Variants in PRKCQ observed in about 807,000 individuals in gnomAD.
PRKCQ encodes the protein protein kinase C theta.
In PRKCQ, 41 loss-of-function variants were observed where a neutral mutation model predicts 91.2. The ratio of observed to expected loss-of-function variants is 0.45; its 90% CI spans 0.35 to 0.58. The LOEUF is 0.58. Ranked by LOEUF, PRKCQ falls within the 20% of genes least tolerant of loss-of-function variation. PRKCQ has a pLI of 0.00. For missense variants in PRKCQ, 673 were observed against 896.5 expected, an observed-to-expected ratio of 0.75 and a Z score of 3.18; for synonymous variants, 307 against 316.9, an observed-to-expected ratio of 0.97 and a Z score of 0.33.
chr10:6,526,512 G>A (rs1342795263), intron 1 of PRKCQ, among the ~76,000 whole-genome samples: 1 of 152,160 alleles, frequency 6.6e-6, no homozygotes, highest in African/African-American at 2.4e-5. Flanking sequence ...GGGCTTTGCT[G>A]GTCCTGAAGG....
chr10:6,483,350 G>A, intron 11 of PRKCQ, 90 bp downstream of exon 11: 6 of 1,517,176 alleles, frequency 4.0e-6, no homozygotes, highest in Non-Finnish European at 5.5e-6. Context: ...TGCAATCCTA[G>A]TGGCCCTATG....
Position 6,435,133 on chromosome 10 carries a change from C to A in PRKCQ, c.1837-4195G>T, listed in dbSNP as rs1370167065. Among the ~76,000 whole-genome samples the A allele has an allele frequency of 5.3e-5, 8 of 152,188 alleles. No individual in the cohort carries two copies. The East Asian group carries it at 1.3e-3, about 26-fold the overall frequency. On this transcript the variant is annotated intron_variant, in intron 16 of 17. Transcript: ENST00000263125. Reference sequence around the variant, plus strand: ...GAGTAAAGGGTGTTTCTTTGGCAATCATCAACTGGACAGCAGTGTCCCCAC... The same window carrying A: ...GAGTAAAGGGTGTTTCTTTGGCAATAATCAACTGGACAGCAGTGTCCCCAC...
intron 16 of PRKCQ, among the ~76,000 whole-genome samples, chr10:6,439,439 C>T (rs187209294): frequency 9.2e-5 from 14 of 152,208 alleles, no homozygotes; most frequent in Admixed American, 4.6e-4. Flanking sequence ...CCTTGATGAA[C>T]CTGGATTTGA....
At chr10:6,422,158 A>C (rs1833022124), downstream of PRKCQ, among the ~76,000 whole-genome samples, 1 of 152,142 alleles carries the variant, frequency 6.6e-6, no homozygotes, top group Non-Finnish European at 1.5e-5. Flanking sequence ...TTATGTTGGG[A>C]TGCAGCAATA....
chr10:6,416,571 C>G, the PRKCQ span, among the ~76,000 whole-genome samples: 1 of 152,188 alleles, frequency 6.6e-6, no homozygotes, highest in Non-Finnish European at 1.5e-5. Flanking sequence ...GAGTAGTGTG[C>G]TATGGTGTAT....
chr10:6,420,957 A>G, the PRKCQ span, among the ~76,000 whole-genome samples: 3 of 151,884 alleles, frequency 2.0e-5, no homozygotes, highest in Admixed American at 2.0e-4. Flanking sequence ...GAGTTTTCTT[A>G]TACTATGTCT....
At chr10:6,491,892 C>G in intron 7 of PRKCQ, 80 bp from the exon 8 acceptor site, 1 of 1,557,392 alleles carries the variant, frequency 6.4e-7, no homozygotes, top group Non-Finnish European at 8.8e-7. Context: ...CTTAGCATAA[C>G]TAACAGAGAT....
chr10:6,474,214 A>G (rs1232921978), intron 12 of PRKCQ, among the ~76,000 whole-genome samples: 1 of 152,228 alleles, frequency 6.6e-6, no homozygotes, highest in African/African-American at 2.4e-5. Context: ...CAGTGATGTG[A>G]ATCCAGGAAC....
rs1348558026 is a variant in PRKCQ at position 6,548,211 on chromosome 10, A to G, written c.-10+32000T>C. 3.2e-4 allele frequency among the ~76,000 whole-genome samples: 48 copies of G among 150,886 alleles called. 2 individuals carry two copies. In the East Asian group the frequency reaches 9.1e-3, roughly 29 times the overall value. ...CCATCTCACACCAGTTAGAATGGCA[A>G]TCATTAAAAGGTCAGGAAACAACAG... is the stretch of plus-strand genomic sequence containing the variant. On this transcript the variant is annotated intron_variant, in intron 1 of 17. Transcript: ENST00000263125.
chr10:6,472,274 C>T (rs1335475250), intron 12 of PRKCQ, among the ~76,000 whole-genome samples: 1 of 152,130 alleles, frequency 6.6e-6, no homozygotes, highest in African/African-American at 2.4e-5. Context: ...CACCACTGCA[C>T]TCCAGGCTGG....
intron 1 of PRKCQ, among the ~76,000 whole-genome samples, chr10:6,529,592 C>T (rs1038200116): frequency 1.3e-5 from 2 of 152,088 alleles, no homozygotes; most frequent in African/African-American, 4.8e-5. Context: ...TTTGCATGGC[C>T]GAGTTCAAAA....
At chr10:6,528,552 T>C (rs1477636426) in intron 1 of PRKCQ, among the ~76,000 whole-genome samples, 1 of 152,196 alleles carries the variant, frequency 6.6e-6, no homozygotes, top group Non-Finnish European at 1.5e-5. Context: ...CTGGTGGACA[T>C]GCTTCTCCAT....
the PRKCQ span, among the ~76,000 whole-genome samples, chr10:6,417,997 C>T: frequency 3.3e-5 from 5 of 152,208 alleles, no homozygotes; most frequent in Non-Finnish European, 5.9e-5. Flanking sequence ...CCCAGAGGCG[C>T]GCCTTCTTCC....
rs1833177652 is a variant in PRKCQ at position 6,427,567 on chromosome 10, C to G, written c.*640G>C. 6.6e-6 allele frequency: 1 copy of G among 152,404 alleles called. No homozygotes were observed. Among genetic ancestry groups the G allele is most frequent in the African/African-American group, 2.4e-5 (1 of 41,452 alleles). 9.4% of individuals were successfully genotyped at this position (152,404 alleles called of 1,614,324 possible). A position where few individuals can be genotyped will look rare whatever the true frequency, so the allele number is the denominator to read the frequency against. ...CAAGCGAAGGTGTCTAGCAAACCTT[C>G]CCTCTCACTTTCCACTTGTCCTCTT... On this transcript the variant is annotated 3_prime_UTR_variant, in exon 18 of 18. Coordinates refer to ENST00000263125, the MANE Select transcript of PRKCQ (RefSeq NM_006257.5).
intron 7 of PRKCQ, among the ~76,000 whole-genome samples, chr10:6,495,498 G>A (rs1163541927): frequency 6.6e-6 from 1 of 152,170 alleles, no homozygotes; most frequent in Non-Finnish European, 1.5e-5. Flanking sequence ...CCTCCGTTGG[G>A]GAGATTCCCG....
intron 16 of PRKCQ, among the ~76,000 whole-genome samples, chr10:6,432,796 TCCAGA>T (rs1833488072): frequency 6.6e-6 from 1 of 152,032 alleles, no homozygotes; most frequent in South Asian, 2.1e-4. Context: ...CCCTCTCCAG[TCCAGA>T]CATTTCTGCT....
the PRKCQ span, among the ~76,000 whole-genome samples, chr10:6,415,895 T>C: frequency 6.6e-6 from 1 of 151,918 alleles, no homozygotes; most frequent in African/African-American, 2.4e-5. Flanking sequence ...ACAGGTGTCC[T>C]CCAACATGCT....
intron 12 of PRKCQ, among the ~76,000 whole-genome samples, chr10:6,475,193 T>C (rs1271424856): frequency 2.6e-5 from 4 of 152,176 alleles, no homozygotes; most frequent in African/African-American, 7.2e-5. Context: ...TCAGATTTCA[T>C]GAATTATCCT....
At chr10:6,449,846 G>A (rs1834551595) in intron 15 of PRKCQ, among the ~76,000 whole-genome samples, 1 of 152,164 alleles carries the variant, frequency 6.6e-6, no homozygotes, top group South Asian at 2.1e-4. Context: ...CTTCATAAGT[G>A]AAGGAGAAAT....
Sources: allele counts gnomAD v4.1 joint callset (sites outside exome capture counted in the v4.1 genomes callset), GRCh38; gene constraint gnomAD v4.1.1; transcripts MANE v1.5; gene names NCBI Gene and HGNC (gene_info 2026-07-23, HGNC 2026-07-21).